Variants in AHCTF1 observed in about 807,000 individuals in gnomAD.
AHCTF1 encodes the protein protein ELYS.
A neutral mutation model predicts 248.4 loss-of-function variants in AHCTF1; 24 were observed. The observed-to-expected ratio is 0.10, with a 90% confidence interval of 0.07 to 0.14. The LOEUF (loss-of-function observed/expected upper bound fraction) is 0.14, where lower values mean the gene tolerates loss of function less well. Ranked by LOEUF, AHCTF1 falls within the 10% of genes least tolerant of loss-of-function variation. AHCTF1 has a pLI of 1.00. For synonymous variants in AHCTF1, 786 were observed against 929.8 expected (o/e 0.85, Z 2.81); for missense variants, 2,206 against 2,636.2 (o/e 0.84, Z 3.57).
chr1:246,863,780 G>T, intron 27 of AHCTF1, 144 bp downstream of exon 27: 2 of 782,030 alleles, frequency 2.6e-6, no homozygotes, highest in South Asian at 1.8e-5. Flanking sequence ...GTTTTTAGAA[G>T]ATGTGAAAAC....
chr1:246,931,234 G>A (rs1463878767), intron 1 of AHCTF1: 4 of 1,550,060 alleles, frequency 2.6e-6, no homozygotes, highest in Non-Finnish European at 3.5e-6. Context: ...CATCGCGTGG[G>A]AGAACAGTGG....
intron 21 of AHCTF1, among the ~76,000 whole-genome samples, chr1:246,881,958 G>A (rs1047708143): frequency 6.6e-6 from 1 of 151,272 alleles, no homozygotes; most frequent in Admixed American, 6.6e-5. Context: ...GGGATTACAG[G>A]CATGAGCCAC....
intron 33 of AHCTF1, among the ~76,000 whole-genome samples, chr1:246,846,910 G>A (rs1251209494): frequency 6.6e-6 from 1 of 151,686 alleles, no homozygotes; most frequent in African/African-American, 2.4e-5. Context: ...GCCACCACAT[G>A]CCCAAATCAT....
chr1:246,854,738 A>ATATTT (rs1660986624), intron 31 of AHCTF1, among the ~76,000 whole-genome samples: 1 of 152,182 alleles, frequency 6.6e-6, no homozygotes, highest in Non-Finnish European at 1.5e-5. Flanking sequence ...AAAACTATTA[A>ATATTT]TATTTTACCA....
At chr1:246,930,158 A>G (rs1422941508) in intron 1 of AHCTF1, among the ~76,000 whole-genome samples, 3 of 152,160 alleles carry the variant, frequency 2.0e-5, no homozygotes, top group African/African-American at 7.2e-5. Flanking sequence ...TATTTTAGCA[A>G]CAGGTTCTCG....
chr1:246,877,513 C>CTTTTTAGATA (rs1330368630), intron 21 of AHCTF1, among the ~76,000 whole-genome samples: 1 of 151,984 alleles, frequency 6.6e-6, no homozygotes, highest in African/African-American at 2.4e-5. Flanking sequence ...TTTTATGCTG[C>CTTTTTAGATA]TTTTTAGATA....
intron 1 of AHCTF1, among the ~76,000 whole-genome samples, chr1:246,926,351 A>G (rs1666917404): frequency 6.6e-6 from 1 of 152,236 alleles, no homozygotes; most frequent in South Asian, 2.1e-4. Context: ...GTGCTTTACT[A>G]TATTCTGTCT....
rs761094648 is a variant in AHCTF1, at chr1:246,857,693, T to C, written c.4254A>G (p.Glu1418=). Residue 1418 remains glutamate, a splice_region_variant and synonymous_variant, in exon 30 of 36, where the codon GAA becomes GAG. Coordinates refer to ENST00000648844, the MANE Select transcript of AHCTF1 (RefSeq NM_001323342.2). ...EASLCAPSVY[E]GKIFTQKSKV... ...TGAATTTCTCTCCATTAACTTACCC[T>C]TCATAGACTGATGGTGCACAAAGAG... The C allele has an allele frequency of 1.2e-6, 2 of 1,611,128 alleles. No homozygotes were observed. The highest frequency in any genetic ancestry group is 1.7e-6 in the Non-Finnish European group (2 of 1,179,498).
chr1:246,857,947 ACTG>A (rs1302318147), intron 29 of AHCTF1, 133 bp from the exon 30 acceptor site: 6 of 706,130 alleles, frequency 8.5e-6, no homozygotes, highest in Non-Finnish European at 1.3e-5. Context: ...GTGTTATCAG[ACTG>A]CTAACACTTT....
intron 14 of AHCTF1, 112 bp downstream of exon 14, chr1:246,894,547 A>G: frequency 1.1e-6 from 1 of 901,874 alleles, no homozygotes; most frequent in Non-Finnish European, 1.7e-6. Flanking sequence ...GTCTCAAAAA[A>G]AGAAAAGAGT....
rs968700025 is a variant in AHCTF1, at chr1:246,859,573, AT to A, written c.4132+1325del. Among the ~76,000 whole-genome samples the A allele has an allele frequency of 6.6e-5, 10 of 152,008 alleles. No homozygotes were observed. In the East Asian group the frequency reaches 1.2e-3, roughly 18 times the overall value. On this transcript the variant is annotated intron_variant, in intron 29 of 35. Transcript: ENST00000648844. Reference sequence around the variant, plus strand: ...AACATTTTTTGATCACTAAAATAATATTTTTTTTCTTTTTGAGACAGGGTCT... The same window carrying A: ...AACATTTTTTGATCACTAAAATAATATTTTTTTCTTTTTGAGACAGGGTCT...
At chr1:246,888,333 C>T in intron 18 of AHCTF1, 61 bp downstream of exon 18, 3 of 1,611,902 alleles carry the variant, frequency 1.9e-6, no homozygotes, top group Non-Finnish European at 2.5e-6. Context: ...CACAGCTAAG[C>T]ATGTCTCCTC....
At chr1:246,869,407 C>T (rs1243147399) in intron 24 of AHCTF1, among the ~76,000 whole-genome samples, 1 of 152,224 alleles carries the variant, frequency 6.6e-6, no homozygotes, top group Middle Eastern at 3.4e-3. Context: ...ACCTCTTATG[C>T]CAGTTAGCCA....
rs763400989 is a variant in AHCTF1, at chr1:246,916,289, C to T, written c.228G>A (p.Gln76=). 4.3e-6 allele frequency: 7 copies of T among 1,609,378 alleles called. No homozygotes were observed. In the South Asian group the frequency reaches 4.4e-5, roughly 10 times the overall value. ...CTTTCACAGCTAAAACTACAGGAGGCTGTTCATTGACTCCACTGAATCTGT... is the reference window on the plus strand; with the variant it reads ...CTTTCACAGCTAAAACTACAGGAGGTTGTTCATTGACTCCACTGAATCTGT... ...SAYRFSGVNE[Q]PPVVLAVKEF... Residue 76 remains glutamine, a synonymous_variant, in exon 3 of 36, where the codon CAG becomes CAA. Coordinates refer to ENST00000648844, the MANE Select transcript of AHCTF1 (RefSeq NM_001323342.2).
At chr1:246,866,172 T>A (rs1572385765) in intron 26 of AHCTF1, among the ~76,000 whole-genome samples, 1 of 152,198 alleles carries the variant, frequency 6.6e-6, no homozygotes, top group African/African-American at 2.4e-5. Flanking sequence ...CTGGCTCTCT[T>A]ACATCTGAGT....
chr1:246,929,341 G>A (rs946883191), intron 1 of AHCTF1, among the ~76,000 whole-genome samples: 2 of 152,080 alleles, frequency 1.3e-5, no homozygotes, highest in African/African-American at 4.8e-5. Context: ...CCCTGGAGGC[G>A]AAGGTTGCAG....
intron 14 of AHCTF1, among the ~76,000 whole-genome samples, chr1:246,893,983 C>T (rs572371912): frequency 5.3e-5 from 8 of 152,184 alleles, no homozygotes; most frequent in South Asian, 2.1e-4. Context: ...GCAGGAGGAT[C>T]GCTTGAGGCC....
At chr1:246,926,038 CCT>C (rs1491292447) in intron 1 of AHCTF1, among the ~76,000 whole-genome samples, 1 of 138,988 alleles carries the variant, frequency 7.2e-6, no homozygotes, top group Admixed American at 7.6e-5. Context: ...ACAGTGAGAC[CCT>C]GTCTTTAAAA....
intron 1 of AHCTF1, among the ~76,000 whole-genome samples, chr1:246,922,042 G>C (rs1206545685): frequency 6.6e-6 from 1 of 152,172 alleles, no homozygotes; most frequent in Non-Finnish European, 1.5e-5. Flanking sequence ...GTATATTTTA[G>C]ACTTTGTTAC....
Sources: allele counts gnomAD v4.1 joint callset (sites outside exome capture counted in the v4.1 genomes callset), GRCh38; gene constraint gnomAD v4.1.1; transcripts MANE v1.5; gene names NCBI Gene and HGNC (gene_info 2026-07-23, HGNC 2026-07-21).